The following LHFPL3 variants were observed in gnomAD, a reference collection of about 807,000 sequenced individuals.
The protein encoded by LHFPL3 is LHFPL tetraspan subfamily member 3.
Under a neutral mutation model 19.3 loss-of-function variants are expected in LHFPL3, and 5 were observed. The observed-to-expected ratio is 0.26, with a 90% confidence interval of 0.14 to 0.54. LHFPL3 has a LOEUF of 0.54. Among genes scored for constraint, LHFPL3 ranks in the 20% least tolerant of loss-of-function variants. LHFPL3 has a pLI of 0.94. For synonymous variants in LHFPL3, 133 were observed against 126.2 expected, an observed-to-expected ratio of 1.05 and a Z score of -0.36; for missense variants, 249 against 307.4, an observed-to-expected ratio of 0.81 and a Z score of 1.42.
chr7:104,623,027 G>A (rs764002390), intron 1 of LHFPL3: 7 of 372,128 alleles, frequency 1.9e-5, no homozygotes, highest in Non-Finnish European at 2.8e-5. Flanking sequence ...TTTCCCTGAT[G>A]GCTAATGATG....
chr7:104,631,195 G>A (rs957686865), intron 1 of LHFPL3, among the ~76,000 whole-genome samples: 1 of 152,206 alleles, frequency 6.6e-6, no homozygotes, highest in Non-Finnish European at 1.5e-5. Flanking sequence ...AATTTCTGCA[G>A]AGCAGGCAAT....
chr7:104,621,834 T>C (rs1212508564), intron 1 of LHFPL3, among the ~76,000 whole-genome samples: 1 of 152,126 alleles, frequency 6.6e-6, no homozygotes, highest in African/African-American at 2.4e-5. Context: ...ACCTTAACTT[T>C]ATAGCAACTT....
At chr7:104,553,962 G>A (rs1035332019) in intron 1 of LHFPL3, among the ~76,000 whole-genome samples, 1 of 152,126 alleles carries the variant, frequency 6.6e-6, no homozygotes, top group African/African-American at 2.4e-5. Context: ...CTCAGTGATC[G>A]CTCATGATGT....
At chr7:104,354,548 A>G (rs934943866) in intron 1 of LHFPL3, among the ~76,000 whole-genome samples, 1 of 151,992 alleles carries the variant, frequency 6.6e-6, no homozygotes. Context: ...CAGTTTTCTC[A>G]TTTTTCTAAT....
intron 2 of LHFPL3, among the ~76,000 whole-genome samples, chr7:104,858,587 C>A (rs183463723): frequency 7.2e-5 from 11 of 152,304 alleles, no homozygotes; most frequent in South Asian, 2.1e-4. Flanking sequence ...CTTCAGCACA[C>A]CTCCACCCTC....
chr7:104,562,939 C>G (rs1025837379), intron 1 of LHFPL3, among the ~76,000 whole-genome samples: 2 of 152,056 alleles, frequency 1.3e-5, no homozygotes, highest in African/African-American at 4.8e-5. Flanking sequence ...GAGTACCCTG[C>G]CGTGTGAGGT....
At chr7:104,676,199 A>G (rs1792588484) in intron 1 of LHFPL3, among the ~76,000 whole-genome samples, 1 of 152,248 alleles carries the variant, frequency 6.6e-6, no homozygotes. Flanking sequence ...ATTGATGCTT[A>G]TAAAATATTC....
At chr7:104,503,840 G>A (rs1432894285) in intron 1 of LHFPL3, among the ~76,000 whole-genome samples, 2 of 152,188 alleles carry the variant, frequency 1.3e-5, no homozygotes, top group Non-Finnish European at 2.9e-5. Context: ...AAAGTGTTGG[G>A]ATTATAGTCA....
intron 1 of LHFPL3, among the ~76,000 whole-genome samples, chr7:104,534,966 C>A (rs1193488499): frequency 6.6e-6 from 1 of 152,102 alleles, no homozygotes; most frequent in Non-Finnish European, 1.5e-5. Context: ...TTGCCTCTAC[C>A]ATGATTGACA....
chr7:104,412,824 TC>T (rs1791556811), intron 1 of LHFPL3, among the ~76,000 whole-genome samples: 1 of 152,190 alleles, frequency 6.6e-6, no homozygotes, highest in East Asian at 1.9e-4. Flanking sequence ...CCATAAGCAA[TC>T]CTAGATAGAC....
intron 2 of LHFPL3, among the ~76,000 whole-genome samples, chr7:104,829,878 T>C (rs1790916089): frequency 6.6e-6 from 1 of 151,958 alleles, no homozygotes; most frequent in Non-Finnish European, 1.5e-5. Flanking sequence ...ATGGTATTTC[T>C]AGTTCTAGAT....
chr7:104,478,618 A>T (rs192039022), intron 1 of LHFPL3, among the ~76,000 whole-genome samples: 1 of 152,198 alleles, frequency 6.6e-6, no homozygotes, highest in East Asian at 1.9e-4. Context: ...TGGTGTGAAG[A>T]TCCCTGGATC....
At chr7:104,439,473 T>A (rs1792175169) in intron 1 of LHFPL3, among the ~76,000 whole-genome samples, 1 of 152,126 alleles carries the variant, frequency 6.6e-6, no homozygotes, top group East Asian at 1.9e-4. Flanking sequence ...ATCTCCAAAA[T>A]GAAAAGTTAA....
intron 1 of LHFPL3, among the ~76,000 whole-genome samples, chr7:104,554,407 T>C (rs1392563093): frequency 6.6e-6 from 1 of 152,170 alleles, no homozygotes; most frequent in Non-Finnish European, 1.5e-5. Context: ...ACAATCTGAT[T>C]GGAAGATTTT....
At chr7:104,512,273 T>C (rs1251177908) in intron 1 of LHFPL3, among the ~76,000 whole-genome samples, 1 of 152,002 alleles carries the variant, frequency 6.6e-6, no homozygotes, top group East Asian at 1.9e-4. Context: ...GATTTCTTTA[T>C]AGAGTATTTT....
chr7:104,675,516 G>T (rs537378639), intron 1 of LHFPL3, among the ~76,000 whole-genome samples: 2 of 152,296 alleles, frequency 1.3e-5, no homozygotes, highest in South Asian at 4.1e-4. Context: ...TCATCATTCT[G>T]CTTGCTATGT....
At chr7:104,666,390 C>G (rs1214534890) in intron 1 of LHFPL3, among the ~76,000 whole-genome samples, 2 of 151,606 alleles carry the variant, frequency 1.3e-5, no homozygotes, top group Non-Finnish European at 2.9e-5. Context: ...ATGAGATCAA[C>G]TTTTTTAGCT....
At chr7:104,442,366 T>C (rs1792244451) in intron 1 of LHFPL3, among the ~76,000 whole-genome samples, 1 of 152,190 alleles carries the variant, frequency 6.6e-6, no homozygotes. Context: ...TATATCTAGA[T>C]ATTGACACGA....
chr7:104,869,509 A>G (rs2116655475), intron 2 of LHFPL3, among the ~76,000 whole-genome samples: 1 of 152,188 alleles, frequency 6.6e-6, no homozygotes, highest in East Asian at 1.9e-4. Flanking sequence ...ATCACTGGCC[A>G]TCAGAGAAAT....
Sources: gnomAD v4.1 joint callset for allele counts (sites outside exome capture counted in the v4.1 genomes callset) on GRCh38, gnomAD v4.1.1 for gene constraint, MANE v1.5 for transcripts, NCBI Gene and HGNC (gene_info 2026-07-23, HGNC 2026-07-21) for gene names.